The following BCL3 variants were observed in gnomAD, a reference collection of about 807,000 sequenced individuals.
The protein encoded by BCL3 is B-cell lymphoma 3 protein.
A neutral mutation model predicts 35.7 loss-of-function variants in BCL3; 15 were observed. The observed-to-expected ratio is 0.42, with a 90% CI of 0.28 to 0.65. The LOEUF is 0.65. Among genes scored for constraint, BCL3 ranks in the 30% least tolerant of loss-of-function variants. The pLI is 0.22. For missense variants in BCL3, 565 were observed against 641.7 expected (o/e 0.88, Z 1.29); for synonymous variants, 311 against 284.3 (o/e 1.09, Z -0.95).
rs141487062 is a variant in BCL3, at chr19:44,749,614, G to C, written c.256+568G>C. ...GGGGTTCTGAGCACCCCAATATCTG[G>C]GATCACAAGGATCCAAGGAAATGAA... On this transcript the variant is annotated intron_variant, in intron 1 of 8. Transcript: ENST00000164227. 2.3e-4 allele frequency among the ~76,000 whole-genome samples: 35 copies of C among 152,050 alleles called. 1 individual carries two copies. Among genetic ancestry groups the C allele is most frequent in the Non-Finnish European group, 4.7e-4 (32 of 67,968 alleles).
chr19:44,759,522 T>C lies in BCL3; in HGVS notation c.1272T>C (p.Pro424=). ...TGGCTCCTCCCAATTTCTTCCTTCC[T>C]TCCCCATCTCCACCCGCCTTCCTGC... The part of the protein sequence containing the change: ...FPMAPPNFFL[P]SPSPPAFLPF... The change falls in exon 9 of 9, where the codon CCT becomes CCC. Residue 424 remains proline, a synonymous_variant. Coordinates refer to ENST00000164227, the MANE Select transcript of BCL3 (RefSeq NM_005178.5). 3.1e-6 allele frequency: 5 copies of C among 1,613,120 alleles called. No individual in the cohort carries two copies. Among genetic ancestry groups the C allele is most frequent in the Non-Finnish European group, 4.2e-6 (5 of 1,179,638 alleles).
Position 44,757,386 on chromosome 19 carries a change from C to A in BCL3, c.784C>A (p.Leu262Ile). The change falls in exon 5 of 9, where the codon CTA becomes ATA. Residue 262 changes from leucine (L) to isoleucine (I), a missense_variant. By Grantham distance (5) the Leu-to-Ile change is conservative. Around this residue, in one of 5 missense-constraint regions of BCL3, gnomAD observed 103 missense variants for 106.7 expected, o/e 0.97. Transcript: ENST00000164227. The surrounding 1 kb of genome is among the most constrained non-coding windows in gnomAD (Gnocchi z 8.4). ...GTGCCAAGAAACCGTGCAGCTCTTG[C>A]TAGAGCGCGGTGCCGACATCGACGC... ...TECQETVQLL[L>I]ERGADIDAVD... 1 of 1,604,150 alleles carries A rather than the reference C, an allele frequency of 6.2e-7. No individual in the cohort carries two copies.
At chr19:44,750,727 G>A (rs566882111) in intron 1 of BCL3, among the ~76,000 whole-genome samples, 1 of 152,238 alleles carries the variant, frequency 6.6e-6, no homozygotes, top group Non-Finnish European at 1.5e-5. Flanking sequence ...AGGTTGCAGT[G>A]GGGCAAGATC....
At chr19:44,751,583 G>A (rs1263304787) in intron 2 of BCL3, among the ~76,000 whole-genome samples, 2 of 152,044 alleles carry the variant, frequency 1.3e-5, no homozygotes, top group Admixed American at 1.3e-4. Context: ...TACCTCCTAG[G>A]CCACTATTTT....
At chr19:44,750,328 T>C (rs1967153054) in intron 1 of BCL3, among the ~76,000 whole-genome samples, 1 of 150,258 alleles carries the variant, frequency 6.7e-6, no homozygotes, top group Non-Finnish European at 1.5e-5. Context: ...GAGTTTTGTT[T>C]TGCTCTGTCG....
rs757977683 is a variant in BCL3 at position 44,752,232 on chromosome 19, G to A, written c.410+852G>A. On this transcript the variant is annotated intron_variant, in intron 2 of 8. Transcript: ENST00000164227. ...TTTTTTTTTTCTGAGACAGGGTCTCGATCTGTCACCCAGGCTGGAGTGCAG... is the reference window on the plus strand; with the variant it reads ...TTTTTTTTTTCTGAGACAGGGTCTCAATCTGTCACCCAGGCTGGAGTGCAG... Among the ~76,000 whole-genome samples, 89 of 143,186 alleles carry A rather than the reference G, an allele frequency of 6.2e-4. 1 individual carries two copies. Among genetic ancestry groups the A allele is most frequent in the Middle Eastern group, 3.8e-3 (1 of 262 alleles). 93.9% of individuals were successfully genotyped at this position (143,186 alleles called of 152,430 possible). A position where few individuals can be genotyped will look rare whatever the true frequency, so the allele number is the denominator to read the frequency against.
Position 44,757,404 on chromosome 19 carries a change from A to G in BCL3, c.802A>G (p.Ile268Val), listed in dbSNP as rs765996938. ...GCTCTTGCTAGAGCGCGGTGCCGAC[A>G]TCGACGCAGTGGTGAGCGTGCACTA... ...VQLLLERGAD[I>V]DAVDIKSGRS... is the part of the protein sequence containing the mutation. The change falls in exon 5 of 9, where the codon ATC becomes GTC. Residue 268 changes from isoleucine (I) to valine (V), a missense_variant. Physicochemically the swap from Ile to Val is conservative, Grantham distance 29. Around this residue, in one of 5 missense-constraint regions of BCL3, gnomAD observed 103 missense variants for 106.7 expected, o/e 0.97. Coordinates refer to ENST00000164227, the MANE Select transcript of BCL3 (RefSeq NM_005178.5). This position sits in a 1 kb window ranked among gnomAD's most constrained non-coding sequence, Gnocchi z 8.4. 2 of 1,598,640 alleles carry G rather than the reference A, an allele frequency of 1.3e-6. No homozygotes were observed. The highest frequency in any genetic ancestry group is 2.3e-5 in the South Asian group (2 of 88,810).
Position 44,759,599 on chromosome 19 carries a change from C to T in BCL3, c.1349C>T (p.Ala450Val), listed in dbSNP as rs1191776655. ...GGCCGGCCGGTGCCCCCCTCCCCAG[C>T]TCCAGGAGGCAGCTGAGGGGGATGG... ...GPGRPVPPSP[A>V]PGGS The change falls in exon 9 of 9, where the codon GCT (alanine) becomes GTT (valine). Residue 450 changes from alanine (A) to valine (V), a missense_variant. Physicochemically the swap from Ala to Val is moderately conservative, Grantham distance 64. This residue lies in a region of BCL3 where 151 missense variants were observed against 138.1 expected (regional missense o/e 1.09). Transcript: ENST00000164227. 1.2e-6 allele frequency: 2 copies of T among 1,605,398 alleles called. No homozygotes were observed. The highest frequency in any genetic ancestry group is 8.5e-7 in the Non-Finnish European group (1 of 1,178,104).
intron 2 of BCL3, among the ~76,000 whole-genome samples, chr19:44,753,680 C>T (rs1025967484): frequency 2.4e-4 from 37 of 152,046 alleles, no homozygotes; most frequent in Admixed American, 5.2e-4. Flanking sequence ...GCGGGGGACG[C>T]TAAGTCTGGG....
intron 2 of BCL3, 110 bp downstream of exon 2, chr19:44,751,490 C>T: frequency 1.7e-6 from 2 of 1,200,690 alleles, no homozygotes; most frequent in Admixed American, 3.2e-5. Context: ...GTCTCCACCA[C>T]AGGCTGTGTG....
At position 44,757,778 on chromosome 19, in the gene BCL3, G is replaced by T; in HGVS notation, c.891+55G>T. ...CACCCTATCCTCTGACCCCAACCCG[G>T]CTCTGGCCTCAGCCCCTAGCTCTGA... On this transcript the variant is annotated intron_variant, in intron 6 of 8. Coordinates refer to ENST00000164227, the MANE Select transcript of BCL3 (RefSeq NM_005178.5). The surrounding 1 kb of genome is among the most constrained non-coding windows in gnomAD (Gnocchi z 8.4). The T allele has an allele frequency of 6.4e-7, 1 of 1,558,318 alleles. No individual in the cohort carries two copies.
intron 2 of BCL3, among the ~76,000 whole-genome samples, chr19:44,754,451 G>A (rs373740939): frequency 7.1e-4 from 108 of 152,276 alleles, no homozygotes; most frequent in South Asian, 2.7e-3. Context: ...GATCCCCGGC[G>A]GGACAGGCTT....
upstream of BCL3, chr19:44,748,636 G>A (rs1172969574): frequency 8.4e-6 from 8 of 953,214 alleles, no homozygotes; most frequent in Non-Finnish European, 1.0e-5. Context: ...GGCCCCGGGG[G>A]GGCCGGGGGC....
At chr19:44,754,042 T>C (rs897255403) in intron 2 of BCL3, among the ~76,000 whole-genome samples, 2 of 152,118 alleles carry the variant, frequency 1.3e-5, no homozygotes, top group African/African-American at 4.8e-5. Flanking sequence ...CTGGTGAAAC[T>C]GGTCACGCCA....
chr19:44,751,508 G>A, intron 2 of BCL3, 128 bp downstream of exon 2: 1 of 990,374 alleles, frequency 1.0e-6, no homozygotes, highest in Non-Finnish European at 1.4e-6. Flanking sequence ...GTGACCTTGA[G>A]TAAGGCCCTT....
rs1361993906 is a variant in BCL3, at chr19:44,758,381, G to C, written c.1027G>C (p.Asp343His). Reference sequence around the variant, plus strand: ...CAGCAGCCTCAAGAACTGCCACAACGACACGCCGCTCATGGTGGCGCGCAG... The same window carrying C: ...CAGCAGCCTCAAGAACTGCCACAACCACACGCCGCTCATGGTGGCGCGCAG... ...ADSSLKNCHN[D>H]TPLMVARSRR... is the part of the protein sequence containing the mutation. Residue 343 changes from aspartate to histidine, a missense_variant, in exon 7 of 9, where the codon GAC becomes CAC. By Grantham distance (81) the Asp-to-His change is moderately conservative (BLOSUM62 -1). This residue lies in a region of BCL3 where 39 missense variants were observed against 88.1 expected (regional missense o/e 0.44). Coordinates refer to ENST00000164227, the MANE Select transcript of BCL3 (RefSeq NM_005178.5). 6.5e-7 allele frequency: 1 copy of C among 1,547,642 alleles called. No individual in the cohort carries two copies. The highest frequency in any genetic ancestry group is 1.4e-5 in the African/African-American group (1 of 73,182).
At chr19:44,752,643 T>C (rs1370972584) in intron 2 of BCL3, among the ~76,000 whole-genome samples, 1 of 152,218 alleles carries the variant, frequency 6.6e-6, no homozygotes, top group East Asian at 1.9e-4. Context: ...AAGAACATGT[T>C]TGTGAGGCTG....
intron 2 of BCL3, among the ~76,000 whole-genome samples, chr19:44,754,406 G>C (rs969826327): frequency 1.3e-5 from 2 of 152,162 alleles, no homozygotes; most frequent in South Asian, 4.1e-4. Flanking sequence ...CCCCATTCGA[G>C]GATGGAAGTT....
At chr19:44,755,728 G>C (rs1967267040) in intron 2 of BCL3, among the ~76,000 whole-genome samples, 1 of 152,094 alleles carries the variant, frequency 6.6e-6, no homozygotes, top group Non-Finnish European at 1.5e-5. Flanking sequence ...GACCAGCCTG[G>C]CCAACATGGT....
Sources: gnomAD v4.1 joint callset for allele counts (sites outside exome capture counted in the v4.1 genomes callset) on GRCh38, gnomAD v4.1.1 for gene constraint, gnomAD v4.1.1 regional missense constraint, Gnocchi (gnomAD v3.1) non-coding constraint, MANE v1.5 for transcripts, NCBI Gene and HGNC (gene_info 2026-07-23, HGNC 2026-07-21) for gene names.